RIBC2: variants seen among roughly 807,000 people sequenced by gnomAD.
The protein encoded by RIBC2 is RIB43A-like with coiled-coils protein 2.
A neutral mutation model predicts 44.3 loss-of-function variants in RIBC2; 40 were observed. The observed-to-expected ratio is 0.90, with a 90% CI of 0.70 to 1.18. RIBC2 has a LOEUF of 1.18. Ranked by LOEUF, RIBC2 falls within the 50% of genes most tolerant of loss-of-function variation. The pLI, the probability that RIBC2 is intolerant of heterozygous loss-of-function variation, is 0.00. For synonymous variants in RIBC2, 171 were observed against 175.0 expected (o/e 0.98, Z 0.18); for missense variants, 459 against 485.5 (o/e 0.95, Z 0.51).
chr22:45,419,138 G>A (rs1471070346), intron 3 of RIBC2, among the ~76,000 whole-genome samples: 2 of 152,204 alleles, frequency 1.3e-5, no homozygotes, highest in Non-Finnish European at 2.9e-5. Flanking sequence ...CCGGTCTCAT[G>A]GCTTTAAATG....
chr22:45,422,882 C>T (rs1195453573), intron 4 of RIBC2, among the ~76,000 whole-genome samples: 2 of 152,084 alleles, frequency 1.3e-5, no homozygotes, highest in Non-Finnish European at 2.9e-5. Flanking sequence ...CCTCCCACCT[C>T]CTCTCTAAAC....
intron 4 of RIBC2, 54 bp downstream of exon 4, chr22:45,422,462 C>T: frequency 2.4e-6 from 3 of 1,270,986 alleles, no homozygotes; most frequent in Non-Finnish European, 2.3e-6. Context: ...GATGAGCCCA[C>T]TACGGCTTCC....
At chr22:45,432,139 G>T in intron 6 of RIBC2, 145 bp from the exon 7 acceptor site, 2 of 555,338 alleles carry the variant, frequency 3.6e-6, no homozygotes, top group Non-Finnish European at 3.2e-6. Flanking sequence ...ATCATTTTGG[G>T]GGGCTCATTA....
chr22:45,421,998 T>G (rs2087490073), intron 3 of RIBC2, among the ~76,000 whole-genome samples: 1 of 152,142 alleles, frequency 6.6e-6, no homozygotes, highest in Non-Finnish European at 1.5e-5. Context: ...CGTCATTTCT[T>G]GGGGCTGTAG....
Position 45,432,376 on chromosome 22 carries a change from C to G in RIBC2, c.*14C>G, listed in dbSNP as rs753571801. 2 of 1,527,978 alleles carry G rather than the reference C, an allele frequency of 1.3e-6. No individual in the cohort carries two copies. Among genetic ancestry groups the G allele is most frequent in the Admixed American group, 1.8e-5 (1 of 56,702 alleles). The allele number at this position is 1,527,978 out of a possible 1,614,324, so 94.7% of individuals were successfully genotyped here. A position where few individuals can be genotyped will look rare whatever the true frequency, so the allele number is the denominator to read the frequency against. On this transcript the variant is annotated 3_prime_UTR_variant, in exon 7 of 7. Transcript: ENST00000614167. ...GGAAGTCGATAATGAGGAACACACC[C>G]TTGTTCCCGTCATTCACGTATAAAG...
At chr22:45,415,430 G>C (rs749343033) in intron 2 of RIBC2, among the ~76,000 whole-genome samples, 7 of 151,850 alleles carry the variant, frequency 4.6e-5, no homozygotes, top group Non-Finnish European at 1.0e-4. Flanking sequence ...TGTTCTGTAT[G>C]TTCTAAACAT....
intron 4 of RIBC2, among the ~76,000 whole-genome samples, chr22:45,423,045 G>C (rs556493550): frequency 2.0e-5 from 3 of 152,166 alleles, no homozygotes; most frequent in African/African-American, 7.2e-5. Flanking sequence ...GTAGTGGCAC[G>C]ATCATGGCTC....
chr22:45,421,511 TTATTAATAATAATAA>T (rs2087479253), intron 3 of RIBC2, among the ~76,000 whole-genome samples: 1 of 96,470 alleles, frequency 1.0e-5, no homozygotes, highest in Admixed American at 1.0e-4. Context: ...AATAATAGTA[TTATTAATAATAATAA>T]TAGTATTATT....
chr22:45,432,257 C>CTT, intron 6 of RIBC2, 27 bp from the exon 7 acceptor site: 49 of 1,145,734 alleles, frequency 4.3e-5, no homozygotes, highest in African/African-American at 9.7e-5. Context: ...ATTTGCTGAC[C>CTT]TTTTTTTTTT....
intron 3 of RIBC2, among the ~76,000 whole-genome samples, chr22:45,419,895 G>C (rs12484327): frequency 6.6e-6 from 1 of 151,996 alleles, no homozygotes; most frequent in Non-Finnish European, 1.5e-5. Context: ...GAGTGGTGGC[G>C]GGTGCCTGTA....
intron 2 of RIBC2, 118 bp from the exon 3 acceptor site, chr22:45,417,484 G>A (rs2087435883): frequency 2.6e-6 from 2 of 773,084 alleles, no homozygotes; most frequent in East Asian, 2.7e-5. Flanking sequence ...CAGGAGACCA[G>A]CCCAGGCAAC....
chr22:45,414,169 G>C (rs1370011773), intron 1 of RIBC2, 153 bp from the exon 2 acceptor site: 1 of 985,082 alleles, frequency 1.0e-6, no homozygotes, highest in Non-Finnish European at 1.2e-6. Flanking sequence ...TCTCGAGCTC[G>C]CCTGGAGTCA....
chr22:45,422,647 A>C, intron 4 of RIBC2: 1 of 523,106 alleles, frequency 1.9e-6, no homozygotes, highest in Non-Finnish European at 3.5e-6. Context: ...TAACCTGGGG[A>C]AGTCAGCTCA....
In RIBC2 at chr22:45,431,188, G is replaced by A. The variant is rs2087577678; in HGVS notation, c.1070+122G>A. 11 of 1,164,824 alleles carry A rather than the reference G, an allele frequency of 9.4e-6. No homozygotes were observed. In the South Asian group the frequency reaches 1.7e-4, roughly 18 times the overall value. The allele number at this position is 1,164,824 out of a possible 1,614,324, so 72.2% of individuals were successfully genotyped here. ...ACCCCGCCCTGGTGGTCCTCATCTG[G>A]ACACTGTGGACCTCAAGTGGGCTGG... On this transcript the variant is annotated intron_variant, in intron 6 of 6. Coordinates refer to ENST00000614167, the MANE Select transcript of RIBC2 (RefSeq NM_015653.5).
intron 3 of RIBC2, among the ~76,000 whole-genome samples, chr22:45,420,132 G>T (rs546744912): frequency 6.6e-6 from 1 of 152,054 alleles, no homozygotes. Context: ...GACCTACAAC[G>T]CCTTCACAGT....
At chr22:45,417,079 T>C (rs2087432251) in intron 2 of RIBC2, among the ~76,000 whole-genome samples, 1 of 151,848 alleles carries the variant, frequency 6.6e-6, no homozygotes, top group South Asian at 2.1e-4. Flanking sequence ...TTTTGAATTT[T>C]TAGTAGAGAC....
At position 45,429,640 on chromosome 22, in the gene RIBC2, C is replaced by T. The variant is rs374166264; in HGVS notation, c.904-1260C>T. Among the ~76,000 whole-genome samples the T allele has an allele frequency of 3.7e-4, 56 of 151,882 alleles. No individual in the cohort carries two copies. In the South Asian group the frequency reaches 1.0e-2, roughly 27 times the overall value. On this transcript the variant is annotated intron_variant, in intron 5 of 6. Transcript: ENST00000614167. ...GGCCGGGACCTGGGCAGGCAGGGGG[C>T]GTGAAGTTCAGGAAGTAGTCCAAGG...
intron 3 of RIBC2, among the ~76,000 whole-genome samples, chr22:45,420,754 G>T (rs1033032312): frequency 6.6e-6 from 1 of 152,132 alleles, no homozygotes; most frequent in Admixed American, 6.5e-5. Context: ...TGAACTGTCC[G>T]CTTGTCCCCA....
intron 5 of RIBC2, among the ~76,000 whole-genome samples, chr22:45,430,629 G>A (rs959711254): frequency 2.6e-5 from 4 of 152,214 alleles, no homozygotes; most frequent in African/African-American, 9.6e-5. Flanking sequence ...GCTGGGAGTG[G>A]AGGCTGCTGT....
Sources: allele counts gnomAD v4.1 joint callset (sites outside exome capture counted in the v4.1 genomes callset), GRCh38; gene constraint gnomAD v4.1.1; transcripts MANE v1.5; gene names NCBI Gene and HGNC (gene_info 2026-07-23, HGNC 2026-07-21).